UBAC2: variants seen among roughly 807,000 people sequenced by gnomAD.
The protein encoded by UBAC2 is ubiquitin-associated domain-containing protein 2.
UBAC2 carries 26 observed loss-of-function variants against 44.0 expected under a neutral mutation model. The observed-to-expected ratio is 0.59, with a 90% confidence interval of 0.43 to 0.82. The LOEUF (loss-of-function observed/expected upper bound fraction) is 0.82. Ranked by LOEUF, UBAC2 falls within the 40% of genes least tolerant of loss-of-function variation. The pLI is 0.00. For missense variants in UBAC2, 329 were observed against 419.4 expected (o/e 0.78, Z 1.88); for synonymous variants, 155 against 154.3 (o/e 1.00, Z -0.04).
intron 6 of UBAC2, among the ~76,000 whole-genome samples, chr13:99,327,084 A>G (rs2044650048): frequency 1.3e-5 from 2 of 152,210 alleles, no homozygotes; most frequent in Admixed American, 6.5e-5. Flanking sequence ...AAAATCATCA[A>G]GATATTTAAC....
chr13:99,362,209 C>T (rs1274948956), intron 7 of UBAC2, among the ~76,000 whole-genome samples: 7 of 152,156 alleles, frequency 4.6e-5, no homozygotes, highest in Non-Finnish European at 1.0e-4. Context: ...CCATGTAAAT[C>T]TAATTCATTT....
At chr13:99,356,200 G>A (rs2045180140) in intron 7 of UBAC2, 2 of 534,582 alleles carry the variant, frequency 3.7e-6, no homozygotes, top group Admixed American at 3.9e-5. Flanking sequence ...GCTTCCCGAT[G>A]TACTCTGTAG....
chr13:99,261,205 A>G (rs1486956261), intron 4 of UBAC2, among the ~76,000 whole-genome samples: 1 of 152,126 alleles, frequency 6.6e-6, no homozygotes, highest in Non-Finnish European at 1.5e-5. Context: ...CAGCAGGGGG[A>G]CAGTCAGCAC....
intron 8 of UBAC2, among the ~76,000 whole-genome samples, chr13:99,383,249 A>G (rs1195329603): frequency 6.6e-6 from 1 of 152,260 alleles, no homozygotes; most frequent in Non-Finnish European, 1.5e-5. Flanking sequence ...AGGAATTTTC[A>G]CATAAAATGC....
intron 1 of UBAC2, among the ~76,000 whole-genome samples, chr13:99,233,927 C>A (rs2043204210): frequency 6.6e-6 from 1 of 152,008 alleles, no homozygotes. Flanking sequence ...CTTGAGTTCT[C>A]AAGACTAGTC....
intron 7 of UBAC2, chr13:99,356,180 C>T (rs1446632281): frequency 1.9e-6 from 1 of 534,672 alleles, no homozygotes; most frequent in Non-Finnish European, 3.8e-6. Context: ...GCATCCTAAG[C>T]TGTGCTGGAG....
chr13:99,289,218 A>G (rs1468293004), intron 4 of UBAC2, among the ~76,000 whole-genome samples: 1 of 152,206 alleles, frequency 6.6e-6, no homozygotes, highest in Admixed American at 6.5e-5. Flanking sequence ...ACTATGTGGC[A>G]TATACTGTAA....
intron 4 of UBAC2, chr13:99,255,337 A>G (rs1407410248): frequency 1.2e-6 from 2 of 1,614,038 alleles, no homozygotes; most frequent in Non-Finnish European, 1.7e-6. Flanking sequence ...TTTTAGATAG[A>G]TGATGTCAGA....
At chr13:99,220,206 G>A (rs771473420) in intron 1 of UBAC2, among the ~76,000 whole-genome samples, 1 of 152,116 alleles carries the variant, frequency 6.6e-6, no homozygotes, top group Non-Finnish European at 1.5e-5. Flanking sequence ...AGAAAGAAAT[G>A]GTTTCTTTAT....
chr13:99,360,317 C>T (rs1417814189), intron 7 of UBAC2, among the ~76,000 whole-genome samples: 1 of 152,202 alleles, frequency 6.6e-6, no homozygotes, highest in Non-Finnish European at 1.5e-5. Context: ...CTGCAATAAG[C>T]TTATAGATGG....
chr13:99,379,969 G>A (rs966636988), intron 8 of UBAC2, among the ~76,000 whole-genome samples: 4 of 152,224 alleles, frequency 2.6e-5, no homozygotes, highest in Admixed American at 2.0e-4. Flanking sequence ...GCAGGTCATT[G>A]TGGGGAACCT....
intron 4 of UBAC2, among the ~76,000 whole-genome samples, chr13:99,257,716 ATTAAG>A (rs1272744283): frequency 3.3e-5 from 5 of 152,196 alleles, no homozygotes; most frequent in African/African-American, 9.6e-5. Flanking sequence ...CTTAAAAACC[ATTAAG>A]TTATTTCATG....
intron 7 of UBAC2, among the ~76,000 whole-genome samples, chr13:99,347,139 G>A (rs2044996591): frequency 6.6e-6 from 1 of 151,798 alleles, no homozygotes. Context: ...AAGATCTACG[G>A]ATACTCTTGA....
intron 4 of UBAC2, among the ~76,000 whole-genome samples, chr13:99,299,899 G>A (rs1443483330): frequency 1.3e-5 from 2 of 152,118 alleles, no homozygotes; most frequent in South Asian, 2.1e-4. Flanking sequence ...TAAAAGCCAC[G>A]CTGGGCTTAA....
chr13:99,201,901 C>G (rs968892983), intron 1 of UBAC2, among the ~76,000 whole-genome samples: 1 of 151,960 alleles, frequency 6.6e-6, no homozygotes, highest in Non-Finnish European at 1.5e-5. Flanking sequence ...GAAACCCCGT[C>G]TCTCTACTAA....
chr13:99,287,270 G>C (rs945065540), intron 4 of UBAC2, among the ~76,000 whole-genome samples: 1 of 152,092 alleles, frequency 6.6e-6, no homozygotes, highest in Non-Finnish European at 1.5e-5. Flanking sequence ...CTCCCCAGAG[G>C]CCTGAGTGTC....
chr13:99,285,486 G>A (rs1307882021), intron 4 of UBAC2, among the ~76,000 whole-genome samples: 1 of 151,606 alleles, frequency 6.6e-6, no homozygotes, highest in Non-Finnish European at 1.5e-5. Flanking sequence ...TCAAACTTCT[G>A]GGCTCAAGGG....
intron 4 of UBAC2, chr13:99,255,962 T>G: frequency 3.9e-6 from 5 of 1,272,070 alleles, no homozygotes; most frequent in East Asian, 2.4e-5. Context: ...AAATAAATGC[T>G]TAACATTCTC....
Position 99,249,534 on chromosome 13 carries a change from T to C in UBAC2, c.389+4910T>C, listed in dbSNP as rs118158470. Among the ~76,000 whole-genome samples, 793 of 152,354 alleles carry C rather than the reference T, an allele frequency of 5.2e-3. 9 individuals are homozygous for C. Among genetic ancestry groups the C allele is most frequent in the Admixed American group, 0.025 (389 of 15,306 alleles). ...CGTGTGTCTTTTTGGTAGAATGATT[T>C]ATTTTCTTTTGGCTACGTACTCAGT... On this transcript the variant is annotated intron_variant, in intron 4 of 8. Coordinates refer to ENST00000403766, the MANE Select transcript of UBAC2 (RefSeq NM_001144072.2).
Sources: gnomAD v4.1 joint callset for allele counts (sites outside exome capture counted in the v4.1 genomes callset) on GRCh38, gnomAD v4.1.1 for gene constraint, MANE v1.5 for transcripts, NCBI Gene and HGNC (gene_info 2026-07-23, HGNC 2026-07-21) for gene names.